The following PCDHGA10 variants were observed in gnomAD, a reference collection of about 807,000 sequenced individuals.
PCDHGA10 encodes protocadherin gamma-A10.
A neutral mutation model predicts 59.5 loss-of-function variants in PCDHGA10; 42 were observed. The observed-to-expected ratio is 0.71, with a 90% CI of 0.55 to 0.91. The LOEUF (loss-of-function observed/expected upper bound fraction) is 0.91, where lower values mean the gene tolerates loss of function less well. PCDHGA10 is among the 40% of genes least tolerant of loss of function. The pLI, the probability that PCDHGA10 is intolerant of heterozygous loss-of-function variation, is 0.00. For missense variants in PCDHGA10, 1,111 were observed against 1,198.2 expected, an observed-to-expected ratio of 0.93 and a Z score of 1.07; for synonymous variants, 511 against 517.2, an observed-to-expected ratio of 0.99 and a Z score of 0.16.
At chr5:141,463,324 T>C (rs1413608053) in intron 1 of PCDHGA10, among the ~76,000 whole-genome samples, 1 of 150,722 alleles carries the variant, frequency 6.6e-6, no homozygotes, top group Non-Finnish European at 1.5e-5. Context: ...ATTCCTCAAC[T>C]CAGCAAAACC....
Position 141,486,146 on chromosome 5 carries a change from G to A in PCDHGA10, c.2437-8661G>A, listed in dbSNP as rs533158692. The A allele has an allele frequency of 3.1e-6, 5 of 1,614,184 alleles. No homozygotes were observed. The highest frequency in any genetic ancestry group is 2.2e-5 in the East Asian group (1 of 44,876). The stretch of plus-strand genomic sequence containing the variant: ...TGAATTTGATGTGCGGGCTCGCGAT[G>A]GGGGTTCTCCAGCCATGGAGCAACA... On this transcript the variant is annotated intron_variant, in intron 1 of 3. Transcript: ENST00000398610. The surrounding 1 kb of genome is among the most constrained non-coding windows in gnomAD (Gnocchi z 5.0).
chr5:141,485,609 G>T lies in PCDHGA10; in HGVS notation c.2437-9198G>T. On this transcript the variant is annotated intron_variant, in intron 1 of 3. Coordinates refer to ENST00000398610, the MANE Select transcript of PCDHGA10 (RefSeq NM_018913.3). The surrounding 1 kb of genome is among the most constrained non-coding windows in gnomAD (Gnocchi z 5.7). ...GCTGGACTTGGAAATTGGGGAGGCA[G>T]CTCCTCCAGGACAGCGTTTCCCGTT... The T allele has an allele frequency of 6.2e-7, 1 of 1,612,256 alleles. No homozygotes were observed. Among genetic ancestry groups the T allele is most frequent in the Non-Finnish European group, 8.5e-7 (1 of 1,178,656 alleles).
intron 1 of PCDHGA10, among the ~76,000 whole-genome samples, chr5:141,463,570 T>A (rs557041487): frequency 2.7e-5 from 4 of 146,586 alleles, no homozygotes; most frequent in Middle Eastern, 3.5e-3. Context: ...TGCCTCAGCC[T>A]CCCGAGTAGC....
Position 141,415,449 on chromosome 5 carries a change from C to G in PCDHGA10, c.2274C>G (p.Ser758=). 6.2e-7 allele frequency: 1 copy of G among 1,614,182 alleles called. No individual in the cohort carries two copies. Among genetic ancestry groups the G allele is most frequent in the Admixed American group, 1.7e-5 (1 of 60,024 alleles). ...DGVRAFLQTY[S]HEVSLTADSR... ...TTCGGGCTTTCCTGCAGACCTATTC[C>G]CACGAGGTCTCTCTCACCGCGGACT... is the stretch of plus-strand genomic sequence containing the variant. The change falls in exon 1 of 4, where the codon TCC becomes TCG. Residue 758 remains serine (S), a synonymous_variant. Transcript: ENST00000398610.
At position 141,414,753 on chromosome 5, in the gene PCDHGA10, T is replaced by A; in HGVS notation, c.1578T>A (p.Tyr526Ter). Residue 526 changes from tyrosine to a stop codon, truncating the protein, a stop_gained, in exon 1 of 4, where the codon TAT (tyrosine) becomes TAA (stop). Coordinates refer to ENST00000398610, the MANE Select transcript of PCDHGA10 (RefSeq NM_018913.3). LOFTEE classifies it high-confidence loss of function. ...TGTATGCACTCAGATCCTTCGACTA[T>A]GAGCAGTTTCATGAGCTACAGATGC... Reference protein sequence around the residue: ...GVLYALRSFDYEQFHELQMQV... With the variant: ...GVLYALRSFD 1 of 1,614,202 alleles carries A rather than the reference T, an allele frequency of 6.2e-7. No homozygotes were observed. Among genetic ancestry groups the A allele is most frequent in the Non-Finnish European group, 8.5e-7 (1 of 1,180,028 alleles).
In PCDHGA10 at chr5:141,414,601, T is replaced by A; in HGVS notation, c.1426T>A (p.Phe476Ile). 6.2e-7 allele frequency: 1 copy of A among 1,613,944 alleles called. No homozygotes were observed. Among genetic ancestry groups the A allele is most frequent in the Non-Finnish European group, 8.5e-7 (1 of 1,179,876 alleles). ...PENNARGASI[F>I]SVTALDPDSK... Reference sequence around the variant, plus strand: ...GAACAACGCCAGGGGTGCCTCCATCTTCTCAGTGACAGCGCTGGACCCGGA... The same window carrying A: ...GAACAACGCCAGGGGTGCCTCCATCATCTCAGTGACAGCGCTGGACCCGGA... Residue 476 changes from phenylalanine to isoleucine, a missense_variant, in exon 1 of 4, where the codon TTC becomes ATC. Phe to Ile is a conservative substitution (Grantham distance 21). Coordinates refer to ENST00000398610, the MANE Select transcript of PCDHGA10 (RefSeq NM_018913.3).
At position 141,478,749 on chromosome 5, in the gene PCDHGA10, G is replaced by A. The variant is rs1306895064; in HGVS notation, c.2437-16058G>A. On this transcript the variant is annotated intron_variant, in intron 1 of 3. Coordinates refer to ENST00000398610, the MANE Select transcript of PCDHGA10 (RefSeq NM_018913.3). ...GAGTGTGGTTTGTGGTCCCATTTCA[G>A]GGGGAAGATACTTGACTCATCTGTG... The A allele has an allele frequency of 3.3e-6, 5 of 1,524,326 alleles. No homozygotes were observed. The South Asian group carries it at 6.4e-5, about 19-fold the overall frequency. The allele number at this position is 1,524,326 out of a possible 1,614,324, so 94.4% of individuals were successfully genotyped here.
At chr5:141,463,728 G>C (rs957615020) in intron 1 of PCDHGA10, among the ~76,000 whole-genome samples, 3 of 152,066 alleles carry the variant, frequency 2.0e-5, no homozygotes, top group African/African-American at 7.2e-5. Context: ...TTACAGGCAT[G>C]AGCCACCGCG....
intron 1 of PCDHGA10, chr5:141,428,210 A>T: frequency 7.7e-7 from 1 of 1,293,350 alleles, no homozygotes; most frequent in Non-Finnish European, 1.1e-6. Flanking sequence ...GCTACGCTTC[A>T]CCTAGTCTTC....
At position 141,415,347 on chromosome 5, in the gene PCDHGA10, C is replaced by T. The variant is rs1369709460; in HGVS notation, c.2172C>T (p.His724=). Residue 724 remains histidine, a synonymous_variant, in exon 1 of 4, where the codon CAC becomes CAT. Transcript: ENST00000398610. ...VLLAHRLRRW[H]KSRLLQASGG... is the part of the protein sequence containing the mutation. ...TGGCGCACAGGCTGCGGCGCTGGCA[C>T]AAGTCACGCCTGCTGCAGGCTTCAG... The T allele has an allele frequency of 1.9e-6, 3 of 1,614,120 alleles. No homozygotes were observed. Among genetic ancestry groups the T allele is most frequent in the Non-Finnish European group, 2.5e-6 (3 of 1,180,052 alleles).
At chr5:141,443,760 T>C (rs894568340) in intron 1 of PCDHGA10, among the ~76,000 whole-genome samples, 20 of 152,040 alleles carry the variant, frequency 1.3e-4, no homozygotes, top group African/African-American at 4.6e-4. Context: ...AAGCTTACAA[T>C]ATACAATATT....
chr5:141,490,796 A>G lies in PCDHGA10; in HGVS notation c.2437-4011A>G. ...CCAGAGGATGGACGGATCTTTGCCC[A>G]GCGTACCTTTGACTATGAATTGCTG... On this transcript the variant is annotated intron_variant, in intron 1 of 3. Coordinates refer to ENST00000398610, the MANE Select transcript of PCDHGA10 (RefSeq NM_018913.3). The surrounding 1 kb of genome is among the most constrained non-coding windows in gnomAD (Gnocchi z 5.4). The G allele has an allele frequency of 6.2e-7, 1 of 1,613,978 alleles. No individual in the cohort carries two copies. The highest frequency in any genetic ancestry group is 8.5e-7 in the Non-Finnish European group (1 of 1,179,904).
intron 1 of PCDHGA10, chr5:141,426,432 C>A (rs1239073805): frequency 1.0e-5 from 3 of 295,812 alleles, no homozygotes; most frequent in South Asian, 3.3e-5. Flanking sequence ...TGGTGGGGAA[C>A]CTTGCGGAGG....
chr5:141,428,029 C>G, intron 1 of PCDHGA10: 2 of 1,607,160 alleles, frequency 1.2e-6, no homozygotes, highest in Non-Finnish European at 1.7e-6. Flanking sequence ...GCCGCAGAGT[C>G]CGGCTACCTG....
At position 141,494,758 on chromosome 5, in the gene PCDHGA10, T is replaced by C. The variant is rs370692038; in HGVS notation, c.2437-49T>C. ...CCATCCCTAGGGGCTCGGGTGACAT[T>C]CTAACTTCTCACGGGTACTCAGCCC... On this transcript the variant is annotated intron_variant, in intron 1 of 3. Transcript: ENST00000398610. The C allele has an allele frequency of 1.3e-5, 21 of 1,613,682 alleles. No homozygotes were observed. The African/African-American group carries it at 2.7e-4, about 21-fold the overall frequency.
At position 141,491,952 on chromosome 5, in the gene PCDHGA10, C is replaced by A; in HGVS notation, c.2437-2855C>A. 9.4e-7 allele frequency: 1 copy of A among 1,062,954 alleles called. No homozygotes were observed. The allele number at this position is 1,062,954 out of a possible 1,614,324, so 65.8% of individuals were successfully genotyped here. On this transcript the variant is annotated intron_variant, in intron 1 of 3. Coordinates refer to ENST00000398610, the MANE Select transcript of PCDHGA10 (RefSeq NM_018913.3). The surrounding 1 kb of genome is among the most constrained non-coding windows in gnomAD (Gnocchi z 6.9). ...GGTGGGACCGACCCCCACCCCTACA[C>A]TCAAAAAAGGCCGGGGCCTCCTTCG...
intron 1 of PCDHGA10, among the ~76,000 whole-genome samples, chr5:141,449,331 G>T (rs1054980032): frequency 3.3e-5 from 5 of 151,950 alleles, no homozygotes; most frequent in Admixed American, 3.3e-4. Flanking sequence ...TGTAGGCCAG[G>T]TGCAGTGGCT....
chr5:141,428,090 G>A (rs1415146154), intron 1 of PCDHGA10: 1 of 1,608,870 alleles, frequency 6.2e-7, no homozygotes, highest in Non-Finnish European at 8.5e-7. Flanking sequence ...ACGCTTGGCT[G>A]TCCTACCACG....
rs577239742 is a variant in PCDHGA10 at position 141,501,564 on chromosome 5, T to C, written c.2496-3829T>C. ...CATAAGATCATAGGCCCTGGAATCA[T>C]ATTAGGCTGGCTTTCAGGTTGCAAC... On this transcript the variant is annotated intron_variant, in intron 2 of 3. Coordinates refer to ENST00000398610, the MANE Select transcript of PCDHGA10 (RefSeq NM_018913.3). 5.9e-5 allele frequency among the ~76,000 whole-genome samples: 9 copies of C among 152,194 alleles called. No individual in the cohort carries two copies. The South Asian group carries it at 1.7e-3, about 28-fold the overall frequency.
Sources: allele counts gnomAD v4.1 joint callset (sites outside exome capture counted in the v4.1 genomes callset), GRCh38; gene constraint gnomAD v4.1.1; non-coding constraint Gnocchi (gnomAD v3.1); transcripts MANE v1.5; gene names NCBI Gene and HGNC (gene_info 2026-07-23, HGNC 2026-07-21).